Variants in AUTS2 observed in about 807,000 individuals in gnomAD.
AUTS2 encodes the protein autism susceptibility gene 2 protein.
In AUTS2, 17 loss-of-function variants were observed where a neutral mutation model predicts 112.4. The ratio of observed to expected loss-of-function variants is 0.15; its 90% CI spans 0.10 to 0.23. The LOEUF is 0.23. AUTS2 is among the 10% of genes least tolerant of loss of function. The pLI is 1.00. For missense variants in AUTS2, 1,510 were observed against 1,701.6 expected (o/e 0.89, Z 1.98); for synonymous variants, 751 against 702.7 (o/e 1.07, Z -1.09).
At chr7:70,670,909 C>T (rs904965909) in intron 5 of AUTS2, among the ~76,000 whole-genome samples, 34 of 152,296 alleles carry the variant, frequency 2.2e-4, no homozygotes, top group Non-Finnish European at 1.0e-4. Context: ...CGGTGGCTCA[C>T]GCATGTAGTC....
At chr7:69,731,485 A>G (rs1229550927) in intron 1 of AUTS2, among the ~76,000 whole-genome samples, 1 of 152,226 alleles carries the variant, frequency 6.6e-6, no homozygotes, top group Admixed American at 6.5e-5. Context: ...AATATTGAGC[A>G]TGGTGCCTGA....
intron 4 of AUTS2, among the ~76,000 whole-genome samples, chr7:70,345,895 C>G (rs1791473380): frequency 6.6e-6 from 1 of 152,142 alleles, no homozygotes; most frequent in South Asian, 2.1e-4. Flanking sequence ...TAAATGACAC[C>G]ATCAGCAAAT....
chr7:70,642,644 C>T (rs1291201206), intron 5 of AUTS2, among the ~76,000 whole-genome samples: 1 of 152,182 alleles, frequency 6.6e-6, no homozygotes, highest in African/African-American at 2.4e-5. Context: ...TGATGACATT[C>T]CTTCCCTACA....
intron 1 of AUTS2, among the ~76,000 whole-genome samples, chr7:69,624,989 A>G (rs757411926): frequency 1.2e-4 from 16 of 138,050 alleles, no homozygotes; most frequent in African/African-American, 3.8e-4. Context: ...TGCCAGTAAC[A>G]GATAAATTAT....
rs1329930087 is a variant in AUTS2, at chr7:70,433,242, A to C, written c.661-2510A>C. 3.9e-5 allele frequency among the ~76,000 whole-genome samples: 6 copies of C among 152,286 alleles called. No homozygotes were observed. In the East Asian group the frequency reaches 5.8e-4, roughly 15 times the overall value. ...GGGGGCACAGTGGTGGTTCTTTCCC[A>C]GCTACCCCACTCCTCGTCCTCCCTG... On this transcript the variant is annotated intron_variant, in intron 4 of 18. Coordinates refer to ENST00000342771, the MANE Select transcript of AUTS2 (RefSeq NM_015570.4).
chr7:69,927,006 C>T (rs1314535432), intron 2 of AUTS2, among the ~76,000 whole-genome samples: 1 of 144,538 alleles, frequency 6.9e-6, no homozygotes, highest in Non-Finnish European at 1.5e-5. Flanking sequence ...CCACGAAAAA[C>T]AAGGAAATAA....
chr7:69,864,776 C>A (rs1443256990), intron 1 of AUTS2, among the ~76,000 whole-genome samples: 1 of 152,136 alleles, frequency 6.6e-6, no homozygotes, highest in African/African-American at 2.4e-5. Flanking sequence ...TGGGTTGGCA[C>A]TGACACTGTG....
At chr7:69,724,079 G>A (rs865890756) in intron 1 of AUTS2, among the ~76,000 whole-genome samples, 1 of 152,152 alleles carries the variant, frequency 6.6e-6, no homozygotes. Flanking sequence ...CCAAGGAAAT[G>A]TGTTAATGTG....
chr7:70,264,153 C>T (rs1787300899), intron 4 of AUTS2, among the ~76,000 whole-genome samples: 2 of 152,124 alleles, frequency 1.3e-5, no homozygotes, highest in African/African-American at 4.8e-5. Context: ...TTCCTAGAGA[C>T]GTTTCCTCTT....
intron 1 of AUTS2, among the ~76,000 whole-genome samples, chr7:69,662,686 T>G (rs532039516): frequency 1.3e-5 from 2 of 152,342 alleles, no homozygotes; most frequent in Admixed American, 1.3e-4. Flanking sequence ...TTTAGCTTGT[T>G]GAAATTCCTG....
At chr7:69,764,822 GA>G (rs1342487790) in intron 1 of AUTS2, among the ~76,000 whole-genome samples, 1 of 152,144 alleles carries the variant, frequency 6.6e-6, no homozygotes, top group Non-Finnish European at 1.5e-5. Flanking sequence ...TTGGGCTCTG[GA>G]AGAACAATTA....
chr7:70,758,375 G>A (rs1383331833), intron 6 of AUTS2, among the ~76,000 whole-genome samples: 1 of 152,102 alleles, frequency 6.6e-6, no homozygotes, highest in Non-Finnish European at 1.5e-5. Flanking sequence ...CTCCACAGAG[G>A]TTGTAGAGTT....
chr7:70,497,190 CCTCACACACAT>C (rs1361506720), intron 5 of AUTS2, among the ~76,000 whole-genome samples: 12 of 149,596 alleles, frequency 8.0e-5, no homozygotes, highest in African/African-American at 2.7e-4. Flanking sequence ...CACACACACA[CCTCACACACAT>C]GCACATGTCA....
Position 70,790,454 on chromosome 7 carries a change from C to T in AUTS2, c.3238C>T (p.Arg1080Ter), listed in dbSNP as rs750104446. ...PIRDPLRDPY[R>*]ELDIHRRDPL... ...CCGGGACCCCTTGAGGGATCCTTAC[C>T]GAGAACTTGACATTCACCGGAGAGA... The change falls in exon 19 of 19, where the codon CGA becomes TGA. Residue 1080 changes from arginine to a stop codon, truncating the protein, a stop_gained. Coordinates refer to ENST00000342771, the MANE Select transcript of AUTS2 (RefSeq NM_015570.4). LOFTEE classifies it high-confidence loss of function. The surrounding 1 kb of genome is among the most constrained non-coding windows in gnomAD (Gnocchi z 7.6). 1 of 1,612,316 alleles carries T rather than the reference C, an allele frequency of 6.2e-7. No individual in the cohort carries two copies. The highest frequency in any genetic ancestry group is 8.5e-7 in the Non-Finnish European group (1 of 1,179,118).
intron 2 of AUTS2, among the ~76,000 whole-genome samples, chr7:70,022,870 T>TA (rs398005094): frequency 1.2e-4 from 19 of 152,026 alleles, no homozygotes; most frequent in South Asian, 4.2e-4. Flanking sequence ...TTTTTTTTTT[T>TA]AAATAAGGTC....
chr7:70,487,835 G>C (rs1283462570), intron 5 of AUTS2, among the ~76,000 whole-genome samples: 1 of 152,164 alleles, frequency 6.6e-6, no homozygotes, highest in Non-Finnish European at 1.5e-5. Flanking sequence ...AAAAATCCAA[G>C]GAAATGACTG....
At chr7:69,739,542 T>G (rs899526956) in intron 1 of AUTS2, among the ~76,000 whole-genome samples, 1 of 152,138 alleles carries the variant, frequency 6.6e-6, no homozygotes, top group African/African-American at 2.4e-5. Context: ...AATAAAGAGC[T>G]TGCAAGCTCA....
In AUTS2 at chr7:69,912,112, G is replaced by A. The variant is rs184098851; in HGVS notation, c.522+12614G>A. ...GGTGCTGAGGTGGCAGGGGGCTGGC[G>A]TGTCAATGCCACCCGAGTGCATGCA... On this transcript the variant is annotated intron_variant, in intron 2 of 18. Coordinates refer to ENST00000342771, the MANE Select transcript of AUTS2 (RefSeq NM_015570.4). Among the ~76,000 whole-genome samples the A allele has an allele frequency of 2.1e-3, 325 of 152,324 alleles. 1 individual carries two copies. The highest frequency in any genetic ancestry group is 7.5e-3 in the African/African-American group (310 of 41,576).
At chr7:70,433,575 A>G (rs1210746227) in intron 4 of AUTS2, among the ~76,000 whole-genome samples, 1 of 152,164 alleles carries the variant, frequency 6.6e-6, no homozygotes, top group African/African-American at 2.4e-5. Context: ...TTCTCAACTC[A>G]TTTGACTTAT....
Sources: allele counts gnomAD v4.1 joint callset (sites outside exome capture counted in the v4.1 genomes callset), GRCh38; gene constraint gnomAD v4.1.1; non-coding constraint Gnocchi (gnomAD v3.1); transcripts MANE v1.5; gene names NCBI Gene and HGNC (gene_info 2026-07-23, HGNC 2026-07-21).